The following VPS33B variants were observed in gnomAD, a reference collection of about 807,000 sequenced individuals.
The protein encoded by VPS33B is vacuolar protein sorting-associated protein 33B.
In VPS33B, 80 loss-of-function variants were observed where a neutral mutation model predicts 95.3. The observed-to-expected ratio is 0.84, with a 90% CI of 0.70 to 1.01. The LOEUF (loss-of-function observed/expected upper bound fraction) is 1.01. Among genes scored for constraint, VPS33B ranks in the 50% least tolerant of loss-of-function variants. The pLI, the probability that VPS33B is intolerant of heterozygous loss-of-function variation, is 0.00. For missense variants in VPS33B, 715 were observed against 773.4 expected (o/e 0.92, Z 0.90); for synonymous variants, 280 against 280.4 (o/e 1.00, Z 0.01).
At position 91,009,707 on chromosome 15, in the gene VPS33B, G is replaced by A. The variant is rs1406367126; in HGVS notation, c.403+94C>T. On this transcript the variant is annotated intron_variant, in intron 6 of 22. Transcript: ENST00000333371. The surrounding 1 kb of genome is among the most constrained non-coding windows in gnomAD (Gnocchi z 4.1). ...ATAAGACCAGGAAAAGAAGGAGCTGGTGGTGGGGGTGGGGTGGGGGGGTTG... is the reference window on the plus strand; with the variant it reads ...ATAAGACCAGGAAAAGAAGGAGCTGATGGTGGGGGTGGGGTGGGGGGGTTG... The A allele has an allele frequency of 4.6e-6, 6 of 1,311,700 alleles. No homozygotes were observed. Among genetic ancestry groups the A allele is most frequent in the Middle Eastern group, 2.6e-4 (1 of 3,890 alleles). 81.3% of individuals were successfully genotyped at this position (1,311,700 alleles called of 1,614,324 possible).
At position 91,007,664 on chromosome 15, in the gene VPS33B, G is replaced by A. The variant is rs1020536086; in HGVS notation, c.499-91C>T. 17 of 1,413,926 alleles carry A rather than the reference G, an allele frequency of 1.2e-5. No individual in the cohort carries two copies. The highest frequency in any genetic ancestry group is 1.7e-5 in the Non-Finnish European group (17 of 1,000,870). The allele number at this position is 1,413,926 out of a possible 1,614,324, so 87.6% of individuals were successfully genotyped here. On this transcript the variant is annotated intron_variant, in intron 7 of 22. Transcript: ENST00000333371. This position sits in a 1 kb window ranked among gnomAD's most constrained non-coding sequence, Gnocchi z 5.3. ...GCCCTAGAAGCCCTGGAGCAGGGTG[G>A]CAGGGCCTGGGGGATGCTTGAAAGG...
Position 91,006,151 on chromosome 15 carries a change from G to A in VPS33B, c.853-92C>T. On this transcript the variant is annotated intron_variant, in intron 11 of 22. Transcript: ENST00000333371. The surrounding 1 kb of genome is among the most constrained non-coding windows in gnomAD (Gnocchi z 5.4). Reference sequence around the variant, plus strand: ...TACAGGAAGGGTACTCAGGTGTTCTGGCAGAAATACAAAGAAAGCTGAGCT... The same window carrying A: ...TACAGGAAGGGTACTCAGGTGTTCTAGCAGAAATACAAAGAAAGCTGAGCT... The A allele has an allele frequency of 6.8e-7, 1 of 1,465,386 alleles. No individual in the cohort carries two copies. Among genetic ancestry groups the A allele is most frequent in the Non-Finnish European group, 9.5e-7 (1 of 1,055,320 alleles). The allele number at this position is 1,465,386 out of a possible 1,614,324, so 90.8% of individuals were successfully genotyped here.
intron 16 of VPS33B, 29 bp from the exon 17 acceptor site, chr15:91,003,160 A>G: frequency 6.2e-7 from 1 of 1,613,838 alleles, no homozygotes; most frequent in Non-Finnish European, 8.5e-7. Context: ...AGACAGGTGC[A>G]TGAGAAAGAG....
chr15:91,018,147 C>CT lies in VPS33B; in HGVS notation c.97-263dup. 2 of 475,528 alleles carry CT rather than the reference C, an allele frequency of 4.2e-6. No homozygotes were observed. The highest frequency in any genetic ancestry group is 7.8e-6 in the Non-Finnish European group (2 of 256,228). 29.5% of individuals were successfully genotyped at this position (475,528 alleles called of 1,614,324 possible). On this transcript the variant is annotated intron_variant, in intron 1 of 22. Coordinates refer to ENST00000333371, the MANE Select transcript of VPS33B (RefSeq NM_018668.5). This position sits in a 1 kb window ranked among gnomAD's most constrained non-coding sequence, Gnocchi z 4.7. ...CAGGTTAACTCCTTGTCACTCAACC[C>CT]TTCTGCTCACCTGTGACCTTGGTCT...
At position 91,002,941 on chromosome 15, in the gene VPS33B, C is replaced by T; in HGVS notation, c.1272+144G>A. On this transcript the variant is annotated intron_variant, in intron 17 of 22. Transcript: ENST00000333371. This position sits in a 1 kb window ranked among gnomAD's most constrained non-coding sequence, Gnocchi z 4.7. Reference sequence around the variant, plus strand: ...GAGAGGCGTGCTGAAAGGTGACTCTCCCTAGTAGCTCTAAGAGGGAGGCCT... The same window carrying T: ...GAGAGGCGTGCTGAAAGGTGACTCTTCCTAGTAGCTCTAAGAGGGAGGCCT... The T allele has an allele frequency of 1.1e-6, 1 of 894,126 alleles. No individual in the cohort carries two copies. Among genetic ancestry groups the T allele is most frequent in the Non-Finnish European group, 1.9e-6 (1 of 533,342 alleles). 55.4% of individuals were successfully genotyped at this position (894,126 alleles called of 1,614,324 possible).
rs1026139210 is a variant in VPS33B, at chr15:91,007,276, T to C, written c.603+193A>G. The stretch of plus-strand genomic sequence containing the variant: ...CCCAAAATAAAAAGAGATTTAGGAA[T>C]GCTACCCAGGAGATCCTGGCTTTTG... On this transcript the variant is annotated intron_variant, in intron 8 of 22. Transcript: ENST00000333371. The surrounding 1 kb of genome is among the most constrained non-coding windows in gnomAD (Gnocchi z 5.3). 2.0e-5 allele frequency among the ~76,000 whole-genome samples: 3 copies of C among 152,252 alleles called. No individual in the cohort carries two copies. Among genetic ancestry groups the C allele is most frequent in the African/African-American group, 4.8e-5 (2 of 41,470 alleles).
Position 90,998,841 on chromosome 15 carries a change from T to A in VPS33B, c.*134A>T, listed in dbSNP as rs2040346595. On this transcript the variant is annotated 3_prime_UTR_variant, in exon 23 of 23. Transcript: ENST00000333371. The surrounding 1 kb of genome is among the most constrained non-coding windows in gnomAD (Gnocchi z 4.8). ...CTTTTCTCAGATAATGTTCTCTAAA[T>A]CCCAACACGTTCCATGCTCCCGGCT... The A allele has an allele frequency of 5.5e-6, 5 of 903,500 alleles. No homozygotes were observed. The South Asian group carries it at 7.1e-5, about 13-fold the overall frequency. 56.0% of individuals were successfully genotyped at this position (903,500 alleles called of 1,614,324 possible).
At chr15:91,016,339 A>G (rs1455037801) in intron 3 of VPS33B, among the ~76,000 whole-genome samples, 1 of 151,688 alleles carries the variant, frequency 6.6e-6, no homozygotes, top group Non-Finnish European at 1.5e-5. Flanking sequence ...AATGTGGACA[A>G]TCTTCAGCAA....
rs2040890937 is a variant in VPS33B, at chr15:91,015,257, AC to A, written c.240-825del. On this transcript the variant is annotated intron_variant, in intron 3 of 22. Coordinates refer to ENST00000333371, the MANE Select transcript of VPS33B (RefSeq NM_018668.5). The surrounding 1 kb of genome is among the most constrained non-coding windows in gnomAD (Gnocchi z 4.7). ...AGGCTGAGGCAGGAGAATCGCTTGA[AC>A]CCAGGAGGTGGAGGTTACAGTGAGC... Among the ~76,000 whole-genome samples, 1 of 151,932 alleles carries A rather than the reference AC, an allele frequency of 6.6e-6. No homozygotes were observed. The highest frequency in any genetic ancestry group is 1.5e-5 in the Non-Finnish European group (1 of 68,004).
Position 91,007,450 on chromosome 15 carries a change from G to C in VPS33B, c.603+19C>G. The C allele has an allele frequency of 6.2e-7, 1 of 1,609,896 alleles. No individual in the cohort carries two copies. The highest frequency in any genetic ancestry group is 8.5e-7 in the Non-Finnish European group (1 of 1,176,120). On this transcript the variant is annotated intron_variant, in intron 8 of 22. Transcript: ENST00000333371. The surrounding 1 kb of genome is among the most constrained non-coding windows in gnomAD (Gnocchi z 5.3). ...GAAAACAGCGTCTGCTGGGACAACA[G>C]TACTGCTAGTGCTCTTACCTTGGCG...
rs72759384 is a variant in VPS33B at position 91,010,877 on chromosome 15, G to T, written c.358-1031C>A. ...AATAGACACCAGTGGATTTGACAAC[G>T]GAGACCTGAGGGAGACTAGATGAAA... On this transcript the variant is annotated intron_variant, in intron 5 of 22. Transcript: ENST00000333371. This position sits in a 1 kb window ranked among gnomAD's most constrained non-coding sequence, Gnocchi z 5.7. Among the ~76,000 whole-genome samples, 5,064 of 152,282 alleles carry T rather than the reference G, an allele frequency of 0.033. 98 individuals carry two copies. Among genetic ancestry groups the T allele is most frequent in the Non-Finnish European group, 0.046 (3,160 of 68,010 alleles).
At position 90,999,443 on chromosome 15, in the gene VPS33B, C is replaced by T. The variant is rs544040627; in HGVS notation, c.1774+234G>A. ...AAGCAATTCTCCTGCCTCAGCCTCC[C>T]GAGTAGTTAGCATTACAGGCACCGG... On this transcript the variant is annotated intron_variant, in intron 22 of 22. Transcript: ENST00000333371. The surrounding 1 kb of genome is among the most constrained non-coding windows in gnomAD (Gnocchi z 5.1). 22 of 557,126 alleles carry T rather than the reference C, an allele frequency of 3.9e-5. No homozygotes were observed. The highest frequency in any genetic ancestry group is 2.9e-5 in the Non-Finnish European group (9 of 305,572). The allele number at this position is 557,126 out of a possible 1,614,324, so 34.5% of individuals were successfully genotyped here. A position where few individuals can be genotyped will look rare whatever the true frequency, so the allele number is the denominator to read the frequency against.
chr15:91,008,264 T>G (rs537532112), intron 6 of VPS33B, among the ~76,000 whole-genome samples: 28 of 152,272 alleles, frequency 1.8e-4, no homozygotes, highest in African/African-American at 6.5e-4. Flanking sequence ...ATTCATTCAT[T>G]ATTTATTTAT....
chr15:90,999,563 C>T lies in VPS33B; in HGVS notation c.1774+114G>A. Reference sequence around the variant, plus strand: ...CTAACTCCTGACCTCAGGTGATCTGCCCGCCTCCGCCTCCCAAAGTGCTGA... The same window carrying T: ...CTAACTCCTGACCTCAGGTGATCTGTCCGCCTCCGCCTCCCAAAGTGCTGA... On this transcript the variant is annotated intron_variant, in intron 22 of 22. Coordinates refer to ENST00000333371, the MANE Select transcript of VPS33B (RefSeq NM_018668.5). This position sits in a 1 kb window ranked among gnomAD's most constrained non-coding sequence, Gnocchi z 5.1. 9.1e-7 allele frequency: 1 copy of T among 1,103,112 alleles called. No individual in the cohort carries two copies. Among genetic ancestry groups the T allele is most frequent in the Non-Finnish European group, 1.4e-6 (1 of 726,604 alleles). 68.3% of individuals were successfully genotyped at this position (1,103,112 alleles called of 1,614,324 possible). A position where few individuals can be genotyped will look rare whatever the true frequency, so the allele number is the denominator to read the frequency against.
Position 91,022,172 on chromosome 15 carries a change from G to A in VPS33B, c.78C>T (p.Leu26=). 6.4e-7 allele frequency: 1 copy of A among 1,567,324 alleles called. No individual in the cohort carries two copies. Among genetic ancestry groups the A allele is most frequent in the South Asian group, 1.2e-5 (1 of 85,494 alleles). Reference sequence around the variant, plus strand: ...CACTGACCTGCTCCAGCAGATAGATGAGCTGGTCTCGAGCCAGCCTCTTCA... The same window carrying A: ...CACTGACCTGCTCCAGCAGATAGATAAGCTGGTCTCGAGCCAGCCTCTTCA... The part of the protein sequence containing the change: ...SMLKRLARDQ[L]IYLLEQLPGK... Residue 26 remains leucine, a synonymous_variant, in exon 1 of 23, where the codon CTC becomes CTT. Transcript: ENST00000333371.
Position 91,018,079 on chromosome 15 carries a change from C to T in VPS33B, c.97-194G>A, listed in dbSNP as rs777839935. 4.9e-6 allele frequency: 3 copies of T among 608,296 alleles called. No individual in the cohort carries two copies. Among genetic ancestry groups the T allele is most frequent in the Non-Finnish European group, 9.0e-6 (3 of 335,130 alleles). The allele number at this position is 608,296 out of a possible 1,614,324, so 37.7% of individuals were successfully genotyped here. A position where few individuals can be genotyped will look rare whatever the true frequency, so the allele number is the denominator to read the frequency against. ...TGTATATTTACCTATTTTGCCTTCT[C>T]GTTTTCTGTACCAGTGGGAAGAAGA... On this transcript the variant is annotated intron_variant, in intron 1 of 22. Coordinates refer to ENST00000333371, the MANE Select transcript of VPS33B (RefSeq NM_018668.5). The surrounding 1 kb of genome is among the most constrained non-coding windows in gnomAD (Gnocchi z 4.7).
In VPS33B at chr15:91,010,835, A is replaced by T. The variant is rs910111249; in HGVS notation, c.358-989T>A. 6.6e-6 allele frequency among the ~76,000 whole-genome samples: 1 copy of T among 152,206 alleles called. No individual in the cohort carries two copies. The highest frequency in any genetic ancestry group is 2.4e-5 in the African/African-American group (1 of 41,456). On this transcript the variant is annotated intron_variant, in intron 5 of 22. Transcript: ENST00000333371. The surrounding 1 kb of genome is among the most constrained non-coding windows in gnomAD (Gnocchi z 5.7). The stretch of plus-strand genomic sequence containing the variant: ...AACAGTGTCAAATGCCAGGGAAGTT[A>T]AGTAGGATTAACATTAAATAGACAC...
At chr15:91,008,570 A>T (rs2040683756) in intron 6 of VPS33B, among the ~76,000 whole-genome samples, 1 of 152,154 alleles carries the variant, frequency 6.6e-6, no homozygotes, top group African/African-American at 2.4e-5. Context: ...CAGCTCACTC[A>T]TTCATTATTC....
chr15:91,007,794 TTGGTATTTCTAGCCCTC>T lies in VPS33B; in HGVS notation c.498+59_498+75del, dbSNP rs1486350032. On this transcript the variant is annotated intron_variant, in intron 7 of 22. Coordinates refer to ENST00000333371, the MANE Select transcript of VPS33B (RefSeq NM_018668.5). The surrounding 1 kb of genome is among the most constrained non-coding windows in gnomAD (Gnocchi z 5.3). Reference sequence around the variant, plus strand: ...TTACTTGCGTTGGACAAAGGTTATATTGGTATTTCTAGCCCTCTGCATCCCACATTTGTCCCCATCCC... The same window carrying T: ...TTACTTGCGTTGGACAAAGGTTATATTGCATCCCACATTTGTCCCCATCCC... 7.2e-7 allele frequency: 1 copy of T among 1,383,036 alleles called. No homozygotes were observed. Among genetic ancestry groups the T allele is most frequent in the Non-Finnish European group, 1.0e-6 (1 of 971,176 alleles). The allele number at this position is 1,383,036 out of a possible 1,614,324, so 85.7% of individuals were successfully genotyped here.
Sources: gnomAD v4.1 joint callset for allele counts (sites outside exome capture counted in the v4.1 genomes callset) on GRCh38, gnomAD v4.1.1 for gene constraint, Gnocchi (gnomAD v3.1) non-coding constraint, MANE v1.5 for transcripts, NCBI Gene and HGNC (gene_info 2026-07-23, HGNC 2026-07-21) for gene names.